ATP2B2: variants seen among roughly 807,000 people sequenced by gnomAD.
ATP2B2 encodes the protein ATPase plasma membrane Ca2+ transporting 2.
In ATP2B2, 15 loss-of-function variants were observed where a neutral mutation model predicts 120.0. The observed-to-expected ratio is 0.12, with a 90% CI of 0.08 to 0.19. The LOEUF is 0.19. ATP2B2 is among the 10% of genes least tolerant of loss of function. The pLI is 1.00. For missense variants in ATP2B2, 1,045 were observed against 1,719.8 expected (o/e 0.61, Z 6.94); for synonymous variants, 694 against 700.3 (o/e 0.99, Z 0.14).
Position 10,381,866 on chromosome 3 carries a change from C to G in ATP2B2, c.1001-2582G>C, listed in dbSNP as rs80321733. Among the ~76,000 whole-genome samples the G allele has an allele frequency of 9.6e-3, 1,460 of 152,230 alleles. 20 individuals are homozygous for G. The highest frequency in any genetic ancestry group is 0.033 in the African/African-American group (1,391 of 41,534). ...GTGAAGTGCATGGATTGGGAGGATTCCTGGTAAGCTGACCTGATACACAAG... is the reference window on the plus strand; with the variant it reads ...GTGAAGTGCATGGATTGGGAGGATTGCTGGTAAGCTGACCTGATACACAAG... On this transcript the variant is annotated intron_variant, in intron 8 of 22. Coordinates refer to ENST00000360273, the MANE Select transcript of ATP2B2 (RefSeq NM_001001331.4).
chr3:10,463,156 C>A (rs1415985982), intron 1 of ATP2B2, among the ~76,000 whole-genome samples: 1 of 152,108 alleles, frequency 6.6e-6, no homozygotes, highest in South Asian at 2.1e-4. Context: ...TCTGCCAGCC[C>A]GTCGCGTGTG....
intron 1 of ATP2B2, among the ~76,000 whole-genome samples, chr3:10,668,508 C>G (rs774755070): frequency 6.6e-6 from 1 of 152,338 alleles, no homozygotes; most frequent in East Asian, 1.9e-4. Context: ...TGCCCCCAGG[C>G]GTGCCCCTGC....
At chr3:10,521,469 C>T (rs1365667873) in intron 3 of ATP2B2, among the ~76,000 whole-genome samples, 1 of 152,188 alleles carries the variant, frequency 6.6e-6, no homozygotes, top group East Asian at 1.9e-4. Context: ...TGATTATGGA[C>T]AGGTGTTTAA....
At chr3:10,549,275 C>A (rs1452925536) in intron 2 of ATP2B2, among the ~76,000 whole-genome samples, 1 of 152,172 alleles carries the variant, frequency 6.6e-6, no homozygotes, top group Non-Finnish European at 1.5e-5. Context: ...CTTTGTTCAC[C>A]ACCCTGTGCT....
intron 1 of ATP2B2, among the ~76,000 whole-genome samples, chr3:10,672,643 A>C (rs1197880918): frequency 2.0e-5 from 3 of 152,236 alleles, no homozygotes; most frequent in African/African-American, 7.2e-5. Flanking sequence ...TTTGCAGATT[A>C]CTGGCCACCG....
chr3:10,426,504 T>C (rs555456155), intron 2 of ATP2B2, among the ~76,000 whole-genome samples: 53 of 152,204 alleles, frequency 3.5e-4, no homozygotes, highest in African/African-American at 1.3e-3. Flanking sequence ...AGAGACCACA[T>C]AGCAAGCGCC....
chr3:10,588,142 C>T (rs1174006357), intron 2 of ATP2B2, among the ~76,000 whole-genome samples: 2 of 152,180 alleles, frequency 1.3e-5, no homozygotes, highest in Non-Finnish European at 2.9e-5. Context: ...CTGTGCTCAG[C>T]ACTGGGATCT....
intron 1 of ATP2B2, among the ~76,000 whole-genome samples, chr3:10,631,912 G>A (rs1176742114): frequency 1.1e-4 from 17 of 152,200 alleles, no homozygotes; most frequent in Admixed American, 9.8e-4. Flanking sequence ...TACCCAAAGT[G>A]AGTTGCTACC....
At chr3:10,503,436 G>A (rs932224237) in intron 1 of ATP2B2, among the ~76,000 whole-genome samples, 8 of 152,238 alleles carry the variant, frequency 5.3e-5, no homozygotes, top group Admixed American at 1.3e-4. Context: ...TCTAATCACA[G>A]CTCCCTGGGA....
At chr3:10,348,546 C>T (rs894812715) in intron 16 of ATP2B2, among the ~76,000 whole-genome samples, 1 of 152,216 alleles carries the variant, frequency 6.6e-6, no homozygotes, top group African/African-American at 2.4e-5. Context: ...CCTCTCCCAC[C>T]CCGAGGTCCT....
chr3:10,602,831 G>A (rs746495963), intron 2 of ATP2B2, among the ~76,000 whole-genome samples: 20 of 152,166 alleles, frequency 1.3e-4, no homozygotes, highest in Non-Finnish European at 2.4e-4. Flanking sequence ...CCCAAGGTGA[G>A]CTCCTGGCAA....
intron 2 of ATP2B2, among the ~76,000 whole-genome samples, chr3:10,565,586 C>G (rs1440182417): frequency 1.3e-5 from 2 of 152,116 alleles, no homozygotes; most frequent in Non-Finnish European, 2.9e-5. Context: ...TTTCTAAACT[C>G]AGAACTGATG....
At chr3:10,644,690 CAAT>C (rs1334601022) in intron 1 of ATP2B2, among the ~76,000 whole-genome samples, 1 of 152,138 alleles carries the variant, frequency 6.6e-6, no homozygotes, top group Non-Finnish European at 1.5e-5. Flanking sequence ...TGTCTAGAAT[CAAT>C]AAGTCCGCAG....
At chr3:10,658,654 AG>A (rs1224089259) in intron 1 of ATP2B2, among the ~76,000 whole-genome samples, 1 of 152,158 alleles carries the variant, frequency 6.6e-6, no homozygotes, top group African/African-American at 2.4e-5. Flanking sequence ...AATGGAACCA[AG>A]TTGGAAAACA....
intron 2 of ATP2B2, among the ~76,000 whole-genome samples, chr3:10,431,020 G>C (rs1422522417): frequency 6.6e-6 from 1 of 151,868 alleles, no homozygotes; most frequent in African/African-American, 2.4e-5. Flanking sequence ...GGAATGTTAG[G>C]ATACCCAAAG....
intron 2 of ATP2B2, among the ~76,000 whole-genome samples, chr3:10,561,393 C>T (rs989920766): frequency 9.8e-5 from 15 of 152,312 alleles, no homozygotes; most frequent in Non-Finnish European, 1.9e-4. Context: ...AACCCCCCAG[C>T]GGTCCCCTGG....
Position 10,584,948 on chromosome 3 carries a change from T to G in ATP2B2, c.-415+34969A>C, listed in dbSNP as rs2068472143. On this transcript the variant is annotated intron_variant, in intron 2 of 21. Coordinates refer to the ATP2B2 transcript ENST00000646379. ...TCTCTTAGACCCCTCTGTTTCTGCATGCCTTGCACCCATCCACAAGTCTTG... is the reference window on the plus strand; with the variant it reads ...TCTCTTAGACCCCTCTGTTTCTGCAGGCCTTGCACCCATCCACAAGTCTTG... 2.6e-5 allele frequency among the ~76,000 whole-genome samples: 4 copies of G among 152,344 alleles called. No homozygotes were observed. In the South Asian group the frequency reaches 8.3e-4, roughly 32 times the overall value.
intron 1 of ATP2B2, among the ~76,000 whole-genome samples, chr3:10,625,259 A>G (rs1345854690): frequency 2.0e-5 from 3 of 152,144 alleles, no homozygotes; most frequent in African/African-American, 4.8e-5. Context: ...TTTCCTGATT[A>G]TACTTGATAG....
chr3:10,481,800 C>T (rs1208828053), intron 1 of ATP2B2, among the ~76,000 whole-genome samples: 3 of 152,180 alleles, frequency 2.0e-5, no homozygotes, highest in East Asian at 1.9e-4. Flanking sequence ...GTGATCCTCC[C>T]GCCTTGGCCT....
Sources: gnomAD v4.1 joint callset for allele counts (sites outside exome capture counted in the v4.1 genomes callset) on GRCh38, gnomAD v4.1.1 for gene constraint, MANE v1.5 for transcripts, NCBI Gene and HGNC (gene_info 2026-07-23, HGNC 2026-07-21) for gene names.